TAB2: variants seen among roughly 807,000 people sequenced by gnomAD.
The protein encoded by TAB2 is TGF-beta-activated kinase 1 and MAP3K7-binding protein 2.
Under a neutral mutation model 65.0 loss-of-function variants are expected in TAB2, and 3 were observed. That is an observed-to-expected ratio of 0.05 (90% CI 0.02 to 0.12). TAB2 has a LOEUF of 0.12. TAB2 is among the 10% of genes least tolerant of loss of function. The pLI, the probability that TAB2 is intolerant of heterozygous loss-of-function variation, is 1.00. For missense variants in TAB2, 623 were observed against 840.3 expected (o/e 0.74, Z 3.20); for synonymous variants, 298 against 285.1 (o/e 1.05, Z -0.46).
intron 1 of TAB2, among the ~76,000 whole-genome samples, chr6:149,285,339 A>T (rs1385553516): frequency 2.0e-5 from 3 of 152,140 alleles, no homozygotes; most frequent in Non-Finnish European, 4.4e-5. Context: ...ACCCTCAAAT[A>T]CTTGACAATT....
intron 1 of TAB2, among the ~76,000 whole-genome samples, chr6:149,262,125 CA>C (rs1583053385): frequency 6.6e-6 from 1 of 152,160 alleles, no homozygotes; most frequent in East Asian, 1.9e-4. Context: ...GAACTTTTAG[CA>C]GAGAAGTTTT....
intron 1 of TAB2, among the ~76,000 whole-genome samples, chr6:149,296,790 A>G (rs1324226274): frequency 6.6e-6 from 1 of 152,244 alleles, no homozygotes; most frequent in Non-Finnish European, 1.5e-5. Context: ...TGAAATCTTC[A>G]GAGGTTAACT....
chr6:149,238,021 C>T (rs564431726), intron 1 of TAB2, among the ~76,000 whole-genome samples: 2 of 152,300 alleles, frequency 1.3e-5, no homozygotes, highest in East Asian at 1.9e-4. Flanking sequence ...TCTTCCTCTC[C>T]GTGGTATTTA....
intron 1 of TAB2, among the ~76,000 whole-genome samples, chr6:149,287,482 G>GT (rs35420416): frequency 0.6 from 89,213 of 148,880 alleles, 26,796 homozygotes; most frequent in Admixed American, 0.69. Context: ...TTTGTTTTCT[G>GT]TTTTTTTTTT....
intron 1 of TAB2, among the ~76,000 whole-genome samples, chr6:149,278,555 T>G (rs1344665675): frequency 6.6e-6 from 1 of 152,144 alleles, no homozygotes; most frequent in Admixed American, 6.6e-5. Context: ...GAAGAAGGTA[T>G]CATTTGAGAT....
chr6:149,403,248 ATATATATAT>A (rs1284240812), intron 6 of TAB2, among the ~76,000 whole-genome samples: 3 of 30,570 alleles, frequency 9.8e-5, no homozygotes, highest in African/African-American at 3.0e-4. Context: ...AAAAAAAAAA[ATATATATAT>A]ATATATATAT....
intron 3 of TAB2, among the ~76,000 whole-genome samples, chr6:149,393,655 A>T (rs1225386993): frequency 6.6e-6 from 1 of 152,118 alleles, no homozygotes; most frequent in African/African-American, 2.4e-5. Context: ...GGGATTGGGG[A>T]TTGCTGGTGG....
intron 1 of TAB2, among the ~76,000 whole-genome samples, chr6:149,219,306 T>TTGTGTGTGTGTGTGTGTGTGTGTGTG (rs3064238): frequency 6.8e-6 from 1 of 146,112 alleles, no homozygotes; most frequent in African/African-American, 2.5e-5. Context: ...ATTTTAACAT[T>TTGTGTGTGTGTGTGTGTGTGTGTGTG]TGTGTGTGTG....
At chr6:149,400,429 A>G in intron 6 of TAB2, 1 of 1,614,236 alleles carries the variant, frequency 6.2e-7, no homozygotes, top group Non-Finnish European at 8.5e-7. Context: ...GTCAAGACTG[A>G]GAACAACAAT....
intron 1 of TAB2, among the ~76,000 whole-genome samples, chr6:149,369,482 A>T (rs1400670559): frequency 6.6e-6 from 1 of 152,230 alleles, no homozygotes; most frequent in African/African-American, 2.4e-5. Context: ...TGGGTTTTGA[A>T]TCATTAAGTT....
chr6:149,381,990 C>T (rs550086935), intron 3 of TAB2, among the ~76,000 whole-genome samples: 60 of 152,318 alleles, frequency 3.9e-4, no homozygotes, highest in Non-Finnish European at 6.3e-4. Context: ...CTTCTTTCAA[C>T]TCAGCATCCA....
intron 1 of TAB2, among the ~76,000 whole-genome samples, chr6:149,275,824 T>A (rs982849749): frequency 2.0e-5 from 3 of 152,168 alleles, no homozygotes; most frequent in African/African-American, 7.2e-5. Flanking sequence ...GAGAAAAGCA[T>A]CAAACAAATT....
intron 1 of TAB2, among the ~76,000 whole-genome samples, chr6:149,343,478 A>G (rs1780195007): frequency 6.6e-6 from 1 of 152,150 alleles, no homozygotes; most frequent in African/African-American, 2.4e-5. Context: ...TCTCAAAAAA[A>G]AAAAAAAAGG....
intron 1 of TAB2, among the ~76,000 whole-genome samples, chr6:149,334,129 T>A (rs1236715106): frequency 6.6e-6 from 1 of 152,234 alleles, no homozygotes; most frequent in South Asian, 2.1e-4. Flanking sequence ...ATTTTTGTTA[T>A]AACTCTTCAC....
At chr6:149,275,276 G>T (rs1778445394) in intron 1 of TAB2, among the ~76,000 whole-genome samples, 1 of 149,680 alleles carries the variant, frequency 6.7e-6, no homozygotes, top group African/African-American at 2.5e-5. Context: ...AAGAAAGAAA[G>T]AAAGAAAGAA....
chr6:149,307,879 C>G (rs1402581730), intron 1 of TAB2, among the ~76,000 whole-genome samples: 1 of 152,202 alleles, frequency 6.6e-6, no homozygotes, highest in Non-Finnish European at 1.5e-5. Flanking sequence ...CCAAAGCACT[C>G]TGTTATGTTT....
intron 1 of TAB2, among the ~76,000 whole-genome samples, chr6:149,357,430 A>AAAAAAAAACACACACACACACACACAC: frequency 2.7e-5 from 3 of 111,146 alleles, no homozygotes; most frequent in African/African-American, 1.0e-4. Context: ...AGAAAAAAAA[A>AAAAAAAAACACACACACACACACACAC]ACACACACAC....
chr6:149,333,741 G>C (rs908082343), intron 1 of TAB2, among the ~76,000 whole-genome samples: 1 of 151,018 alleles, frequency 6.6e-6, no homozygotes, highest in East Asian at 1.9e-4. Flanking sequence ...GTGTGTGTGT[G>C]TGTGTCTATG....
At chr6:149,293,297 T>A (rs1008529281) in intron 1 of TAB2, among the ~76,000 whole-genome samples, 2 of 152,252 alleles carry the variant, frequency 1.3e-5, no homozygotes, top group Non-Finnish European at 2.9e-5. Context: ...TAAATTTGTT[T>A]TATATAAATC....
Sources: gnomAD v4.1 joint callset for allele counts (sites outside exome capture counted in the v4.1 genomes callset) on GRCh38, gnomAD v4.1.1 for gene constraint, MANE v1.5 for transcripts, NCBI Gene and HGNC (gene_info 2026-07-23, HGNC 2026-07-21) for gene names.